The following SV2C variants were observed in gnomAD, a reference collection of about 807,000 sequenced individuals.
SV2C encodes solute carrier family 22 member B3.
SV2C carries 49 observed loss-of-function variants against 79.7 expected under a neutral mutation model. That is an observed-to-expected ratio of 0.61 (90% CI 0.49 to 0.78). The LOEUF (loss-of-function observed/expected upper bound fraction) is 0.78. SV2C is among the 30% of genes least tolerant of loss of function. The pLI, the probability that SV2C is intolerant of heterozygous loss-of-function variation, is 0.00. For synonymous variants in SV2C, 334 were observed against 333.2 expected, an observed-to-expected ratio of 1.00 and a Z score of -0.03; for missense variants, 833 against 912.9, an observed-to-expected ratio of 0.91 and a Z score of 1.13.
chr5:75,961,168 T>A, the SV2C span, among the ~76,000 whole-genome samples: 4 of 152,064 alleles, frequency 2.6e-5, no homozygotes, highest in African/African-American at 9.7e-5. Flanking sequence ...AAATACATGG[T>A]AAGCTATGGT....
the SV2C span, among the ~76,000 whole-genome samples, chr5:75,913,350 T>G: frequency 1.4e-3 from 208 of 152,256 alleles, 1 homozygote; most frequent in African/African-American, 4.8e-3. Context: ...AATATGCCAT[T>G]GTATCTAGGG....
intron 8 of SV2C, among the ~76,000 whole-genome samples, chr5:76,294,016 AACTTGAACGT>A (rs1380494448): frequency 6.6e-6 from 1 of 152,148 alleles, no homozygotes; most frequent in Non-Finnish European, 1.5e-5. Flanking sequence ...GTGGTTCTCA[AACTTGAACGT>A]GCATCAGAAG....
intron 4 of SV2C, among the ~76,000 whole-genome samples, chr5:76,238,045 C>CACAT (rs1336147095): frequency 2.8e-5 from 3 of 105,550 alleles, no homozygotes; most frequent in African/African-American, 2.3e-4. Flanking sequence ...CACACACACA[C>CACAT]ACACACACAC....
chr5:76,079,212 C>T (rs1746939113), upstream of SV2C: 6 of 324,498 alleles, frequency 1.8e-5, no homozygotes, highest in African/African-American at 4.4e-5. Flanking sequence ...TGGGCCATCA[C>T]GGGCAGCAGC....
At chr5:76,095,327 T>C (rs902630487) in intron 1 of SV2C, among the ~76,000 whole-genome samples, 1 of 152,112 alleles carries the variant, frequency 6.6e-6, no homozygotes, top group Non-Finnish European at 1.5e-5. Context: ...AGAATTTCAT[T>C]GATATGCCTC....
At chr5:75,998,950 AAAAG>A in the SV2C span, among the ~76,000 whole-genome samples, 8 of 152,122 alleles carry the variant, frequency 5.3e-5, no homozygotes, top group Non-Finnish European at 7.3e-5. Context: ...ATCAATTTAC[AAAAG>A]AAAGAGTTTT....
At chr5:75,860,631 A>G in the SV2C span, among the ~76,000 whole-genome samples, 489 of 152,292 alleles carry the variant, frequency 3.2e-3, 2 homozygotes, top group Middle Eastern at 0.01. Context: ...TAAATAACCA[A>G]AGCAATCCTA....
At chr5:76,059,385 C>T in the SV2C span, among the ~76,000 whole-genome samples, 1 of 152,046 alleles carries the variant, frequency 6.6e-6, no homozygotes, top group African/African-American at 2.4e-5. Context: ...CTCTCAAACC[C>T]TGGTTTATCA....
the SV2C span, among the ~76,000 whole-genome samples, chr5:76,021,513 C>T: frequency 1.3e-5 from 2 of 152,170 alleles, no homozygotes; most frequent in Admixed American, 1.3e-4. Flanking sequence ...TGTCTTGTTT[C>T]ACATTTACCT....
chr5:75,914,232 C>T, the SV2C span, among the ~76,000 whole-genome samples: 24,820 of 151,500 alleles, frequency 0.16, 6,350 homozygotes, highest in African/African-American at 0.55. Flanking sequence ...TCTTTTATAG[C>T]TGCCTTCCCC....
At chr5:76,243,964 T>G (rs2112426431) in intron 4 of SV2C, among the ~76,000 whole-genome samples, 1 of 152,296 alleles carries the variant, frequency 6.6e-6, no homozygotes, top group East Asian at 1.9e-4. Context: ...CTCTCAAACA[T>G]CCACAGGGAC....
At chr5:76,278,151 G>C (rs1747078087) in intron 4 of SV2C, among the ~76,000 whole-genome samples, 2 of 151,972 alleles carry the variant, frequency 1.3e-5, no homozygotes, top group Admixed American at 1.3e-4. Flanking sequence ...CAGTGATTTT[G>C]CCCATGCTCA....
At chr5:76,095,621 A>T (rs1237794853) in intron 1 of SV2C, among the ~76,000 whole-genome samples, 1 of 152,162 alleles carries the variant, frequency 6.6e-6, no homozygotes, top group African/African-American at 2.4e-5. Context: ...ACCTTTAAAA[A>T]TATATATGAA....
chr5:75,871,832 T>TACACAC, the SV2C span, among the ~76,000 whole-genome samples: 1 of 113,712 alleles, frequency 8.8e-6, no homozygotes, highest in African/African-American at 4.1e-5. Flanking sequence ...TATATATATA[T>TACACAC]ATACACACAC....
intron 4 of SV2C, among the ~76,000 whole-genome samples, chr5:76,226,306 G>T (rs1189844848): frequency 1.3e-5 from 2 of 151,988 alleles, no homozygotes; most frequent in Admixed American, 6.6e-5. Flanking sequence ...CAAGCAGGTG[G>T]CATGAATAAA....
chr5:75,983,598 T>TAA, the SV2C span, among the ~76,000 whole-genome samples: 1,717 of 144,306 alleles, frequency 0.012, 35 homozygotes, highest in African/African-American at 0.037. Flanking sequence ...GGGCCAGCTT[T>TAA]AAAAAAAAAA....
Position 76,285,096 on chromosome 5 carries a change from G to A in SV2C, c.914-66G>A, listed in dbSNP as rs559386657. 27 of 1,593,630 alleles carry A rather than the reference G, an allele frequency of 1.7e-5. 1 individual carries two copies. Among genetic ancestry groups the A allele is most frequent in the Middle Eastern group, 1.9e-4 (1 of 5,280 alleles). ...AATAAGTCCATGGTTCGGGCATCCC[G>A]GGTGATGTTCCCAGGAGGCTGTCTG... On this transcript the variant is annotated intron_variant, in intron 4 of 12. Transcript: ENST00000502798.
chr5:75,942,361 T>A, the SV2C span, among the ~76,000 whole-genome samples: 4,553 of 152,200 alleles, frequency 0.03, 214 homozygotes, highest in African/African-American at 0.1. Flanking sequence ...CAACCTTTAG[T>A]TGGTTGATCA....
rs2112323064 is a variant in SV2C at position 76,192,223 on chromosome 5, T to C, written c.581-2696T>C. Among the ~76,000 whole-genome samples the C allele has an allele frequency of 2.0e-5, 3 of 152,324 alleles. No homozygotes were observed. In the Middle Eastern group the frequency reaches 0.01, roughly 518 times the overall value. On this transcript the variant is annotated intron_variant, in intron 2 of 12. Transcript: ENST00000502798. ...AGATTACTTGGGGGTCTTATTCAAA[T>C]GCAGACTTTGAGTCAGTGGGTTTGG...
Sources: allele counts gnomAD v4.1 joint callset (sites outside exome capture counted in the v4.1 genomes callset), GRCh38; gene constraint gnomAD v4.1.1; transcripts MANE v1.5; gene names NCBI Gene and HGNC (gene_info 2026-07-23, HGNC 2026-07-21).